Variants in CLPB observed in about 807,000 individuals in gnomAD.
CLPB encodes the protein mitochondrial disaggregase.
In CLPB, 40 loss-of-function variants were observed where a neutral mutation model predicts 78.4. That is an observed-to-expected ratio of 0.51 (90% CI 0.40 to 0.66). The LOEUF (loss-of-function observed/expected upper bound fraction) is 0.66. CLPB is among the 30% of genes least tolerant of loss of function. The probability of loss-of-function intolerance (pLI) is 0.00; values close to 1 mark genes in which losing one functional copy is unlikely to be tolerated. For synonymous variants in CLPB, 333 were observed against 348.0 expected, an observed-to-expected ratio of 0.96 and a Z score of 0.48; for missense variants, 780 against 886.9, an observed-to-expected ratio of 0.88 and a Z score of 1.53.
At chr11:72,363,568 T>C (rs1950882575) in intron 4 of CLPB, 1 of 152,222 alleles carries the variant, frequency 6.6e-6, no homozygotes, top group African/African-American at 2.4e-5. Context: ...GTTTGTATCA[T>C]GTTTTAAAGT....
chr11:72,357,970 A>T (rs962886504), intron 5 of CLPB, among the ~76,000 whole-genome samples: 1 of 152,170 alleles, frequency 6.6e-6, no homozygotes, highest in African/African-American at 2.4e-5. Context: ...AGGCATGAAC[A>T]GGCAGTCATG....
intron 2 of CLPB, among the ~76,000 whole-genome samples, chr11:72,417,227 C>T (rs1199526129): frequency 6.6e-6 from 1 of 152,178 alleles, no homozygotes; most frequent in Non-Finnish European, 1.5e-5. Context: ...AAATGTAGTA[C>T]ATCCATACAG....
intron 2 of CLPB, among the ~76,000 whole-genome samples, chr11:72,417,556 A>C (rs1056784971): frequency 6.6e-6 from 1 of 152,198 alleles, no homozygotes; most frequent in African/African-American, 2.4e-5. Context: ...AAATGTTCTA[A>C]AATCCACTAA....
rs995777826 is a variant in CLPB, at chr11:72,290,734, A to C, written c.*2633T>G. 15 of 152,194 alleles carry C rather than the reference A, an allele frequency of 9.9e-5. No homozygotes were observed. Among genetic ancestry groups the C allele is most frequent in the African/African-American group, 2.9e-4 (12 of 41,446 alleles). The allele number at this position is 152,194 out of a possible 1,614,324, so 9.4% of individuals were successfully genotyped here. ...CGAGGTGGGTGGATCACCTGAGGTC[A>C]GGAGTTCAAGACCAGCCTGGCCAAC... On this transcript the variant is annotated 3_prime_UTR_variant, in exon 16 of 16. Coordinates refer to ENST00000538039, the MANE Select transcript of CLPB (RefSeq NM_001258392.3).
intron 5 of CLPB, among the ~76,000 whole-genome samples, chr11:72,346,006 ATT>A (rs1950506285): frequency 6.6e-6 from 1 of 152,090 alleles, no homozygotes; most frequent in Non-Finnish European, 1.5e-5. Context: ...TGCAGCTACC[ATT>A]GTCACTAAGG....
rs994809892 is a variant in CLPB at position 72,292,005 on chromosome 11, T to TGCACTCCA, written c.*1354_*1361dup. 2 of 133,184 alleles carry TGCACTCCA rather than the reference T, an allele frequency of 1.5e-5. No individual in the cohort carries two copies. Among genetic ancestry groups the TGCACTCCA allele is most frequent in the Admixed American group, 8.6e-5 (1 of 11,644 alleles). 8.3% of individuals were successfully genotyped at this position (133,184 alleles called of 1,614,324 possible). A position where few individuals can be genotyped will look rare whatever the true frequency, so the allele number is the denominator to read the frequency against. On this transcript the variant is annotated 3_prime_UTR_variant, in exon 16 of 16. Transcript: ENST00000538039. The stretch of plus-strand genomic sequence containing the variant: ...TTGCAGTGAGCCGAGATCGCGCCAC[T>TGCACTCCA]GCACTCCAGCTTGGGGGACAGAGTG...
chr11:72,410,112 C>T (rs1855833271), intron 2 of CLPB, among the ~76,000 whole-genome samples: 1 of 152,150 alleles, frequency 6.6e-6, no homozygotes, highest in Non-Finnish European at 1.5e-5. Context: ...TACCTGTAAT[C>T]CAAGCTACTC....
intron 5 of CLPB, chr11:72,355,024 T>C (rs1376296391): frequency 6.6e-6 from 1 of 152,252 alleles, no homozygotes; most frequent in Non-Finnish European, 1.5e-5. Context: ...TTGCCTGATC[T>C]GTCTTAGGAT....
chr11:72,295,340 G>T, intron 12 of CLPB, 152 bp downstream of exon 12: 1 of 741,296 alleles, frequency 1.3e-6, no homozygotes, highest in Non-Finnish European at 2.2e-6. Context: ...CCCACTACTT[G>T]GTATGGTGTC....
At chr11:72,325,308 C>T (rs576348401) in intron 6 of CLPB, among the ~76,000 whole-genome samples, 2 of 152,302 alleles carry the variant, frequency 1.3e-5, no homozygotes, top group South Asian at 4.1e-4. Context: ...GCCCTGCTCT[C>T]TCTGCCAGGA....
At chr11:72,321,528 C>A (rs1171319472) in intron 6 of CLPB, among the ~76,000 whole-genome samples, 1 of 152,200 alleles carries the variant, frequency 6.6e-6, no homozygotes, top group African/African-American at 2.4e-5. Context: ...CGAGGCGAAG[C>A]CTAGCTGGGC....
chr11:72,334,308 CGCCTGTCT>C (rs2135557895), intron 5 of CLPB, among the ~76,000 whole-genome samples: 1 of 152,244 alleles, frequency 6.6e-6, no homozygotes, highest in African/African-American at 2.4e-5. Flanking sequence ...AGCAGTACGG[CGCCTGTCT>C]CCAGCCCAGG....
intron 4 of CLPB, chr11:72,373,003 C>G (rs1159359164): frequency 1.2e-6 from 2 of 1,614,096 alleles, no homozygotes; most frequent in Non-Finnish European, 1.7e-6. Flanking sequence ...CTTGCACCGT[C>G]CTGTCCCCCA....
At chr11:72,426,492 GATGA>G (rs923888364) in intron 2 of CLPB, among the ~76,000 whole-genome samples, 1 of 142,716 alleles carries the variant, frequency 7.0e-6, no homozygotes, top group Non-Finnish European at 1.5e-5. Context: ...ACCAGAGATG[GATGA>G]ACTTAAGTGC....
At chr11:72,334,837 A>G (rs2060174524) in intron 5 of CLPB, among the ~76,000 whole-genome samples, 2 of 152,216 alleles carry the variant, frequency 1.3e-5, no homozygotes, top group Admixed American at 1.3e-4. Flanking sequence ...GCAGTGTGGT[A>G]CAGGACCCCT....
At chr11:72,385,560 T>G (rs1223679977) in intron 3 of CLPB, among the ~76,000 whole-genome samples, 1 of 152,242 alleles carries the variant, frequency 6.6e-6, no homozygotes, top group Non-Finnish European at 1.5e-5. Flanking sequence ...CAGTGGCTCA[T>G]GCCTATAATC....
At chr11:72,322,333 G>C (rs1950058763) in intron 6 of CLPB, among the ~76,000 whole-genome samples, 1 of 152,196 alleles carries the variant, frequency 6.6e-6, no homozygotes, top group African/African-American at 2.4e-5. Context: ...TCAGAGACAA[G>C]ACTGATGAGA....
chr11:72,373,433 C>A (rs529170998), intron 4 of CLPB, among the ~76,000 whole-genome samples: 2 of 152,312 alleles, frequency 1.3e-5, no homozygotes, highest in East Asian at 3.9e-4. Flanking sequence ...CATCAGCCAG[C>A]CACAAGTGGA....
chr11:72,317,294 C>CG (rs1949964382), intron 6 of CLPB, 74 bp from the exon 7 acceptor site: 2 of 1,135,784 alleles, frequency 1.8e-6, no homozygotes, highest in Non-Finnish European at 2.5e-6. Flanking sequence ...TCCCCCAACT[C>CG]GGGGAAAACA....
Sources: allele counts gnomAD v4.1 joint callset (sites outside exome capture counted in the v4.1 genomes callset), GRCh38; gene constraint gnomAD v4.1.1; transcripts MANE v1.5; gene names NCBI Gene and HGNC (gene_info 2026-07-23, HGNC 2026-07-21).